Variants in PCDHGB3 observed in about 807,000 individuals in gnomAD.
The protein encoded by PCDHGB3 is protocadherin gamma-B3.
Under a neutral mutation model 59.2 loss-of-function variants are expected in PCDHGB3, and 40 were observed. The ratio of observed to expected loss-of-function variants is 0.68; its 90% CI spans 0.52 to 0.88. The LOEUF is 0.88. PCDHGB3 is among the 40% of genes least tolerant of loss of function. The pLI is 0.00. For synonymous variants in PCDHGB3, 581 were observed against 503.6 expected, an observed-to-expected ratio of 1.15 and a Z score of -2.06; for missense variants, 1,309 against 1,187.9, an observed-to-expected ratio of 1.10 and a Z score of -1.50.
chr5:141,456,735 C>T (rs568353480), intron 1 of PCDHGB3, among the ~76,000 whole-genome samples: 8 of 152,216 alleles, frequency 5.3e-5, no homozygotes, highest in East Asian at 3.9e-4. Context: ...GAGGCTGAGG[C>T]GGGAGCATCA....
At chr5:141,404,759 T>G (rs1466446291) in intron 1 of PCDHGB3, 1 of 1,613,632 alleles carries the variant, frequency 6.2e-7, no homozygotes, top group Admixed American at 1.7e-5. Flanking sequence ...CCAGAATGCT[T>G]GGCTCTCCTA....
chr5:141,403,324 T>G (rs769971532), intron 1 of PCDHGB3: 1 of 1,613,974 alleles, frequency 6.2e-7, no homozygotes, highest in East Asian at 2.2e-5. Context: ...TAGAAGTAAC[T>G]GATATTAACG....
chr5:141,455,466 A>G (rs1253494886), intron 1 of PCDHGB3, among the ~76,000 whole-genome samples: 1 of 152,164 alleles, frequency 6.6e-6, no homozygotes, highest in East Asian at 1.9e-4. Flanking sequence ...AGCCAGGTAT[A>G]TATGCAGAGG....
chr5:141,375,058 A>C (rs1346702145), intron 1 of PCDHGB3: 3 of 1,614,066 alleles, frequency 1.9e-6, no homozygotes, highest in Non-Finnish European at 2.5e-6. Context: ...GGGATGGGCC[A>C]GGTCTTCGAG....
chr5:141,487,176 A>T lies in PCDHGB3; in HGVS notation c.2416-7631A>T. ...ACTCTCTTAGTGTCCTTAGAGGAAG[A>T]CACTCATCCAGTTGTCCCAGATCTT... On this transcript the variant is annotated intron_variant, in intron 1 of 3. Transcript: ENST00000576222. This position sits in a 1 kb window ranked among gnomAD's most constrained non-coding sequence, Gnocchi z 5.0. 1 of 1,613,774 alleles carries T rather than the reference A, an allele frequency of 6.2e-7. No individual in the cohort carries two copies. Among genetic ancestry groups the T allele is most frequent in the South Asian group, 1.1e-5 (1 of 91,082 alleles).
rs894528472 is a variant in PCDHGB3 at position 141,489,718 on chromosome 5, C to A, written c.2416-5089C>A. 6.2e-7 allele frequency: 1 copy of A among 1,614,038 alleles called. No individual in the cohort carries two copies. Among genetic ancestry groups the A allele is most frequent in the African/African-American group, 1.3e-5 (1 of 74,934 alleles). ...ATTCCCACTGGACAGTGCCCAGGATCCGGATGTGGGCACCAATACTGTGAG... is the reference window on the plus strand; with the variant it reads ...ATTCCCACTGGACAGTGCCCAGGATACGGATGTGGGCACCAATACTGTGAG... On this transcript the variant is annotated intron_variant, in intron 1 of 3. Coordinates refer to ENST00000576222, the MANE Select transcript of PCDHGB3 (RefSeq NM_018924.5). This position sits in a 1 kb window ranked among gnomAD's most constrained non-coding sequence, Gnocchi z 4.5.
intron 1 of PCDHGB3, among the ~76,000 whole-genome samples, chr5:141,437,777 C>T (rs998490046): frequency 2.0e-5 from 3 of 148,970 alleles, no homozygotes; most frequent in Admixed American, 6.7e-5. Context: ...CTCAATCTGT[C>T]GCCAAGCTGG....
Position 141,385,647 on chromosome 5 carries a change from A to C in PCDHGB3, c.2415+12838A>C, listed in dbSNP as rs541754761. On this transcript the variant is annotated intron_variant, in intron 1 of 3. Transcript: ENST00000576222. The stretch of plus-strand genomic sequence containing the variant: ...GAATGAATCGAGTCTTTCATATTGC[A>C]CAAGGTTAGCAGGAATAAAACACAC... The C allele has an allele frequency of 2.2e-5, 16 of 727,638 alleles. No homozygotes were observed. The African/African-American group carries it at 2.4e-4, about 11-fold the overall frequency. 45.1% of individuals were successfully genotyped at this position (727,638 alleles called of 1,614,324 possible).
At chr5:141,383,112 G>C (rs1167934535) in intron 1 of PCDHGB3, 5 of 1,613,924 alleles carry the variant, frequency 3.1e-6, no homozygotes, top group Non-Finnish European at 4.2e-6. Context: ...CCAGAGGTAG[G>C]ACGCAGCTTT....
intron 1 of PCDHGB3, among the ~76,000 whole-genome samples, chr5:141,402,737 G>T (rs948478466): frequency 3.9e-5 from 6 of 152,276 alleles, no homozygotes; most frequent in East Asian, 1.9e-4. Context: ...CGCCGCTGTT[G>T]ATCAACTCTA....
chr5:141,424,966 T>G (rs913951031), intron 1 of PCDHGB3, among the ~76,000 whole-genome samples: 17 of 152,174 alleles, frequency 1.1e-4, no homozygotes, highest in African/African-American at 3.9e-4. Flanking sequence ...TTGCCCCAAA[T>G]TACTTGGATA....
Position 141,372,138 on chromosome 5 carries a change from G to A in PCDHGB3, c.1744G>A (p.Ala582Thr). Residue 582 changes from alanine to threonine, a missense_variant, in exon 1 of 4, where the codon GCA (alanine) becomes ACA (threonine). By Grantham distance (58) the Ala-to-Thr change is moderately conservative. Transcript: ENST00000576222. ...GCTCTTCGATATGGTGCCGCGCTCTGCAGAGCCTGGCTACCTGGTGACCAA... is the reference window on the plus strand; with the variant it reads ...GCTCTTCGATATGGTGCCGCGCTCTACAGAGCCTGGCTACCTGGTGACCAA... ...SALFDMVPRS[A>T]EPGYLVTKVV... 6.2e-7 allele frequency: 1 copy of A among 1,613,746 alleles called. No individual in the cohort carries two copies. Among genetic ancestry groups the A allele is most frequent in the Non-Finnish European group, 8.5e-7 (1 of 1,179,904 alleles).
chr5:141,371,896 T>G lies in PCDHGB3; in HGVS notation c.1502T>G (p.Leu501Arg), dbSNP rs760450150. 8.7e-6 allele frequency: 14 copies of G among 1,613,426 alleles called. No homozygotes were observed. The highest frequency in any genetic ancestry group is 1.1e-5 in the Non-Finnish European group (13 of 1,179,910). ...IVASDLEPRE[L>R]SSYVSVSARS... ...GCCAGTGACCTGGAGCCGCGGGAGC[T>G]GTCGTCCTACGTGTCCGTGAGCGCG... is the stretch of plus-strand genomic sequence containing the variant. Residue 501 changes from leucine to arginine, a missense_variant, in exon 1 of 4, where the codon CTG becomes CGG. Leu to Arg is a moderately radical substitution (Grantham distance 102, BLOSUM62 -2). Coordinates refer to ENST00000576222, the MANE Select transcript of PCDHGB3 (RefSeq NM_018924.5).
At position 141,491,423 on chromosome 5, in the gene PCDHGB3, G is replaced by A; in HGVS notation, c.2416-3384G>A. The A allele has an allele frequency of 3.1e-6, 5 of 1,614,126 alleles. No homozygotes were observed. Among genetic ancestry groups the A allele is most frequent in the Non-Finnish European group, 4.2e-6 (5 of 1,180,036 alleles). ...AACGCAGACGGGGACGGGGGTGGAGGGCAGTGCTGCAGGCGCCAGGACTCA... is the reference window on the plus strand; with the variant it reads ...AACGCAGACGGGGACGGGGGTGGAGAGCAGTGCTGCAGGCGCCAGGACTCA... On this transcript the variant is annotated intron_variant, in intron 1 of 3. Transcript: ENST00000576222. The surrounding 1 kb of genome is among the most constrained non-coding windows in gnomAD (Gnocchi z 6.9).
At chr5:141,423,415 G>A (rs779262475) in intron 1 of PCDHGB3, 103 of 1,614,016 alleles carry the variant, frequency 6.4e-5, no homozygotes, top group African/African-American at 1.2e-4. Context: ...GCAGGCTTCT[G>A]AAGGCGGGTT....
rs201006002 is a variant in PCDHGB3, at chr5:141,432,497, C to T, written c.2415+59688C>T. 7 of 1,614,062 alleles carry T rather than the reference C, an allele frequency of 4.3e-6. 1 individual carries two copies. In the South Asian group the frequency reaches 6.6e-5, roughly 15 times the overall value. On this transcript the variant is annotated intron_variant, in intron 1 of 3. Transcript: ENST00000576222. This position sits in a 1 kb window ranked among gnomAD's most constrained non-coding sequence, Gnocchi z 6.0. Reference sequence around the variant, plus strand: ...TTCCACTGGCGTGGAGCTGGCTCCCCGCTCCGCAGAGCCCGGCTACCTGGT... The same window carrying T: ...TTCCACTGGCGTGGAGCTGGCTCCCTGCTCCGCAGAGCCCGGCTACCTGGT...
At chr5:141,427,461 G>A (rs1397917549) in intron 1 of PCDHGB3, 1 of 497,998 alleles carries the variant, frequency 2.0e-6, no homozygotes, top group Admixed American at 2.3e-5. Context: ...TTTTAGAATC[G>A]AATCTTCCGC....
chr5:141,397,424 T>A (rs975746097), intron 1 of PCDHGB3, among the ~76,000 whole-genome samples: 4 of 152,324 alleles, frequency 2.6e-5, no homozygotes, highest in African/African-American at 9.6e-5. Flanking sequence ...ATAGTATAGA[T>A]TTCCCTAATA....
At chr5:141,497,464 T>G (rs1277760390) in intron 2 of PCDHGB3, among the ~76,000 whole-genome samples, 1 of 151,764 alleles carries the variant, frequency 6.6e-6, no homozygotes, top group Non-Finnish European at 1.5e-5. Flanking sequence ...CTTGGAGATA[T>G]GGAGGAGAAG....
Sources: gnomAD v4.1 joint callset for allele counts (sites outside exome capture counted in the v4.1 genomes callset) on GRCh38, gnomAD v4.1.1 for gene constraint, Gnocchi (gnomAD v3.1) non-coding constraint, MANE v1.5 for transcripts, NCBI Gene and HGNC (gene_info 2026-07-23, HGNC 2026-07-21) for gene names.